Variants in MED22 observed in about 807,000 individuals in gnomAD.
The protein encoded by MED22 is mediator of RNA polymerase II transcription subunit 22.
A neutral mutation model predicts 22.7 loss-of-function variants in MED22; 22 were observed. The ratio of observed to expected loss-of-function variants is 0.97; its 90% CI spans 0.69 to 1.38. MED22 has a LOEUF of 1.38. MED22 is among the 40% of genes most tolerant of loss of function. The pLI is 0.00. For missense variants in MED22, 247 were observed against 263.0 expected, an observed-to-expected ratio of 0.94 and a Z score of 0.42; for synonymous variants, 134 against 119.4, an observed-to-expected ratio of 1.12 and a Z score of -0.80.
chr9:133,342,337 C>T (rs2129952888), intron 4 of MED22: 48 of 986,014 alleles, frequency 4.9e-5, no homozygotes, highest in African/African-American at 5.2e-5. Context: ...AATCCACGCT[C>T]GCCTCTTTCT....
chr9:133,342,628 TG>T, intron 4 of MED22: 2 of 986,166 alleles, frequency 2.0e-6, no homozygotes, highest in Non-Finnish European at 2.4e-6. Flanking sequence ...GGCCAGGACC[TG>T]GTCGCTTAAA....
chr9:133,346,423 G>T, intron 2 of MED22, 117 bp downstream of exon 2: 1 of 1,311,170 alleles, frequency 7.6e-7, no homozygotes, highest in Non-Finnish European at 1.1e-6. Flanking sequence ...CCAGCTCCCT[G>T]TGCACTGGGT....
At position 133,347,959 on chromosome 9, in the gene MED22, G is replaced by A. The variant is rs1836247650; in HGVS notation, c.-76C>T. 3 of 292,090 alleles carry A rather than the reference G, an allele frequency of 1.0e-5. No homozygotes were observed. The highest frequency in any genetic ancestry group is 8.6e-5 in the East Asian group (1 of 11,650). The allele number at this position is 292,090 out of a possible 1,614,324, so 18.1% of individuals were successfully genotyped here. A position where few individuals can be genotyped will look rare whatever the true frequency, so the allele number is the denominator to read the frequency against. ...CCGCACACCAGACGCCGCGTCCGCC[G>A]GGTCGGCCTAGGGCGGGGTGGTCAA... On this transcript the variant is annotated 5_prime_UTR_variant, in exon 1 of 5. Coordinates refer to ENST00000343730, the MANE Select transcript of MED22 (RefSeq NM_133640.5).
intron 4 of MED22, chr9:133,343,061 G>C: frequency 1.0e-6 from 1 of 991,346 alleles, no homozygotes; most frequent in Non-Finnish European, 1.2e-6. Flanking sequence ...CATGTCTGCT[G>C]AGTTAATGAG....
intron 4 of MED22, chr9:133,342,840 G>A (rs1289120749): frequency 9.1e-6 from 9 of 985,506 alleles, no homozygotes; most frequent in African/African-American, 1.7e-5. Context: ...CTCTGCTGCA[G>A]GGCCGTGAGC....
Position 133,341,692 on chromosome 9 carries a change from G to GA in MED22, c.415dup (p.Ser139PhefsTer7). On this transcript the variant is annotated frameshift_variant and splice_region_variant, in exon 5 of 5. Coordinates refer to ENST00000343730, the MANE Select transcript of MED22 (RefSeq NM_133640.5). LOFTEE classifies it high-confidence loss of function. ...CAGGTCATTAGCTTCGCAAAGGCTT[G>GA]AGCTTTTCCACCACCAGAAACCCCA... 6.2e-7 allele frequency: 1 copy of GA among 1,606,320 alleles called. No individual in the cohort carries two copies.
chr9:133,344,356 G>A (rs1466445104), intron 3 of MED22, 23 bp from the exon 4 acceptor site: 18 of 1,612,734 alleles, frequency 1.1e-5, no homozygotes, highest in African/African-American at 4.0e-5. Flanking sequence ...GAACCAGGGC[G>A]GGCACAGGGT....
chr9:133,342,081 C>A, intron 4 of MED22: 6 of 1,087,510 alleles, frequency 5.5e-6, no homozygotes, highest in Non-Finnish European at 6.7e-6. Flanking sequence ...CTGCAGAAAC[C>A]CCAGTGTCAC....
At chr9:133,341,913 A>G in intron 4 of MED22, 2 of 1,337,074 alleles carry the variant, frequency 1.5e-6, no homozygotes, top group Non-Finnish European at 1.9e-6. Flanking sequence ...TGAAAGGAGG[A>G]AGCCGCCCTG....
At position 133,339,385 on chromosome 9, in the gene MED22, C is replaced by CA; in HGVS notation, c.*2119dup. On this transcript the variant is annotated 3_prime_UTR_variant, in exon 5 of 5. Transcript: ENST00000343730. ...ATTCAACTGAAGCGCCAGCCTGCTC[C>CA]ACCCAGAGCAGCACACTGTGAGAAC... is the stretch of plus-strand genomic sequence containing the variant. 1 of 744,758 alleles carries CA rather than the reference C, an allele frequency of 1.3e-6. No individual in the cohort carries two copies. The highest frequency in any genetic ancestry group is 1.4e-5 in the South Asian group (1 of 72,932). The allele number at this position is 744,758 out of a possible 1,614,324, so 46.1% of individuals were successfully genotyped here.
In MED22 at chr9:133,341,251, C is replaced by T. The variant is rs2129947529; in HGVS notation, c.*254G>A. ...AGCTTGGAAACTTTCTTCCACCTGGCTGGCCAGGAAGGCAGCAAACAGAGA... is the reference window on the plus strand; with the variant it reads ...AGCTTGGAAACTTTCTTCCACCTGGTTGGCCAGGAAGGCAGCAAACAGAGA... On this transcript the variant is annotated 3_prime_UTR_variant, in exon 5 of 5. Coordinates refer to ENST00000343730, the MANE Select transcript of MED22 (RefSeq NM_133640.5). 1 of 399,424 alleles carries T rather than the reference C, an allele frequency of 2.5e-6. No homozygotes were observed. Among genetic ancestry groups the T allele is most frequent in the Middle Eastern group, 6.4e-4 (1 of 1,564 alleles). The allele number at this position is 399,424 out of a possible 1,614,324, so 24.7% of individuals were successfully genotyped here.
chr9:133,344,754 G>A (rs2129962766), intron 3 of MED22, among the ~76,000 whole-genome samples: 4 of 152,220 alleles, frequency 2.6e-5, no homozygotes, highest in East Asian at 1.9e-4. Context: ...GTGCACCTGC[G>A]GAATTATCTG....
chr9:133,342,763 T>C (rs1413677209), intron 4 of MED22: 2 of 985,576 alleles, frequency 2.0e-6, no homozygotes, highest in African/African-American at 1.8e-5. Context: ...CCCCGCTGGG[T>C]GAAGCTGAGG....
Position 133,341,844 on chromosome 9 carries a change from CCT to C in MED22, c.414-152_414-151del, listed in dbSNP as rs2129951234. On this transcript the variant is annotated intron_variant, in intron 4 of 4. Transcript: ENST00000343730. Reference sequence around the variant, plus strand: ...TTCTCCACTCCTGCTCCATCTGTCCCCTGAGTTGGCAGGCCTGGCAAGGAGAG... The same window carrying C: ...TTCTCCACTCCTGCTCCATCTGTCCCGAGTTGGCAGGCCTGGCAAGGAGAG... 2.3e-3 allele frequency: 3,261 copies of C among 1,402,372 alleles called. 9 individuals carry two copies. The highest frequency in any genetic ancestry group is 0.012 in the Middle Eastern group (52 of 4,244). 86.9% of individuals were successfully genotyped at this position (1,402,372 alleles called of 1,614,324 possible).
chr9:133,339,400 A>G lies in MED22; in HGVS notation c.*2105T>C. Reference sequence around the variant, plus strand: ...CAGCCTGCTCCACCCAGAGCAGCACACTGTGAGAACCAATGGGAAGGAGCC... The same window carrying G: ...CAGCCTGCTCCACCCAGAGCAGCACGCTGTGAGAACCAATGGGAAGGAGCC... On this transcript the variant is annotated 3_prime_UTR_variant, in exon 5 of 5. Coordinates refer to ENST00000343730, the MANE Select transcript of MED22 (RefSeq NM_133640.5). 11 of 757,292 alleles carry G rather than the reference A, an allele frequency of 1.5e-5. No homozygotes were observed. The highest frequency in any genetic ancestry group is 2.6e-5 in the Non-Finnish European group (11 of 415,152). 46.9% of individuals were successfully genotyped at this position (757,292 alleles called of 1,614,324 possible).
chr9:133,342,186 A>G (rs1176454775), intron 4 of MED22: 4 of 989,824 alleles, frequency 4.0e-6, no homozygotes, highest in Non-Finnish European at 3.6e-6. Context: ...TTGGGAACAC[A>G]GGCCCTGGCA....
At position 133,348,118 on chromosome 9, in the gene MED22, A is replaced by G. The variant is rs2129976266; in HGVS notation, c.-235T>C. The G allele has an allele frequency of 7.9e-6, 11 of 1,387,520 alleles. No homozygotes were observed. Among genetic ancestry groups the G allele is most frequent in the South Asian group, 5.9e-5 (5 of 85,470 alleles). The allele number at this position is 1,387,520 out of a possible 1,614,324, so 86.0% of individuals were successfully genotyped here. A position where few individuals can be genotyped will look rare whatever the true frequency, so the allele number is the denominator to read the frequency against. ...GCCTCTCGGCCCCGCCTCGATTTTTAGCTTTATAGGAATGCTGTTGCTTTA... is the reference window on the plus strand; with the variant it reads ...GCCTCTCGGCCCCGCCTCGATTTTTGGCTTTATAGGAATGCTGTTGCTTTA... On this transcript the variant is annotated 5_prime_UTR_variant, in exon 1 of 5. Coordinates refer to ENST00000343730, the MANE Select transcript of MED22 (RefSeq NM_133640.5).
chr9:133,345,139 G>T, intron 3 of MED22, 33 bp downstream of exon 3: 2 of 1,608,160 alleles, frequency 1.2e-6, no homozygotes, highest in Non-Finnish European at 1.7e-6. Context: ...TGCTCTTGGA[G>T]CCCAGGCCGT....
chr9:133,341,363 C>T lies in MED22; in HGVS notation c.*142G>A, dbSNP rs2129947963. On this transcript the variant is annotated 3_prime_UTR_variant, in exon 5 of 5. Coordinates refer to ENST00000343730, the MANE Select transcript of MED22 (RefSeq NM_133640.5). ...CCTGGCGGGACCCACCCTGGGCTAA[C>T]GGGCTTCCCAAGGAAGTCCTAGTGG... The T allele has an allele frequency of 5.8e-5, 53 of 914,060 alleles. No individual in the cohort carries two copies. In the African/African-American group the frequency reaches 7.3e-4, roughly 13 times the overall value. The allele number at this position is 914,060 out of a possible 1,614,324, so 56.6% of individuals were successfully genotyped here.
Sources: allele counts gnomAD v4.1 joint callset (sites outside exome capture counted in the v4.1 genomes callset), GRCh38; gene constraint gnomAD v4.1.1; transcripts MANE v1.5; gene names NCBI Gene and HGNC (gene_info 2026-07-23, HGNC 2026-07-21).